Variants in FHIT observed in about 807,000 individuals in gnomAD.
FHIT encodes bis(5'-adenosyl)-triphosphatase.
FHIT carries 19 observed loss-of-function variants against 17.9 expected under a neutral mutation model. That is an observed-to-expected ratio of 1.06 (90% confidence interval 0.74 to 1.56). The LOEUF (loss-of-function observed/expected upper bound fraction) is 1.56. FHIT is among the 40% of genes most tolerant of loss of function. The probability of loss-of-function intolerance (pLI) is 0.00; values close to 1 mark genes in which losing one functional copy is unlikely to be tolerated. For synonymous variants in FHIT, 81 were observed against 69.7 expected, an observed-to-expected ratio of 1.16 and a Z score of -0.81; for missense variants, 248 against 189.2, an observed-to-expected ratio of 1.31 and a Z score of -1.82.
chr3:60,420,283 T>C (rs1702420117), intron 5 of FHIT, among the ~76,000 whole-genome samples: 1 of 152,166 alleles, frequency 6.6e-6, no homozygotes, highest in Admixed American at 6.5e-5. Flanking sequence ...TTCTAATTCT[T>C]AATGACCTAA....
intron 5 of FHIT, among the ~76,000 whole-genome samples, chr3:60,406,371 C>A (rs912479953): frequency 1.3e-5 from 2 of 152,162 alleles, no homozygotes; most frequent in African/African-American, 4.8e-5. Context: ...TGTTTTATCC[C>A]TCTCTTCAGA....
intron 5 of FHIT, among the ~76,000 whole-genome samples, chr3:60,233,931 G>C (rs1482358414): frequency 6.6e-6 from 1 of 152,074 alleles, no homozygotes; most frequent in Non-Finnish European, 1.5e-5. Flanking sequence ...CAACCACGTG[G>C]AACTGTGAAT....
intron 8 of FHIT, among the ~76,000 whole-genome samples, chr3:59,795,075 C>T (rs1292378715): frequency 1.3e-5 from 2 of 152,120 alleles, no homozygotes; most frequent in African/African-American, 2.4e-5. Context: ...ACAGTAAGTT[C>T]TCAGGCAGTC....
chr3:60,570,206 G>T (rs1307497490), intron 4 of FHIT, among the ~76,000 whole-genome samples: 2 of 152,042 alleles, frequency 1.3e-5, no homozygotes, highest in Non-Finnish European at 2.9e-5. Context: ...AATAAACACA[G>T]AAATAAAGAA....
chr3:59,790,123 T>C (rs568545580), intron 8 of FHIT, among the ~76,000 whole-genome samples: 3 of 152,078 alleles, frequency 2.0e-5, no homozygotes, highest in Admixed American at 1.3e-4. Flanking sequence ...AAATGGGAAC[T>C]TTTTGTGACA....
intron 7 of FHIT, among the ~76,000 whole-genome samples, chr3:60,007,709 C>T (rs1172974409): frequency 6.6e-6 from 1 of 152,110 alleles, no homozygotes; most frequent in Non-Finnish European, 1.5e-5. Context: ...TTTTTACGGA[C>T]AGTCATGCAG....
rs76269729 is a variant in FHIT at position 60,479,225 on chromosome 3, G to A, written c.103+57635C>T. Among the ~76,000 whole-genome samples, 1,423 of 152,278 alleles carry A rather than the reference G, an allele frequency of 9.3e-3. 12 individuals are homozygous for A. Among genetic ancestry groups the A allele is most frequent in the East Asian group, 0.03 (157 of 5,180 alleles). On this transcript the variant is annotated intron_variant, in intron 5 of 9. Coordinates refer to ENST00000492590, the MANE Select transcript of FHIT (RefSeq NM_002012.4). ...ACTGACATCAAAGTTACAGTGTTAT[G>A]CAGTGATGCCCAAAAGCATTTGCAA...
At chr3:59,856,082 A>G (rs1702145130) in intron 8 of FHIT, among the ~76,000 whole-genome samples, 1 of 152,132 alleles carries the variant, frequency 6.6e-6, no homozygotes, top group Non-Finnish European at 1.5e-5. Context: ...CGCCCAGCCA[A>G]TAGATAAACC....
intron 5 of FHIT, among the ~76,000 whole-genome samples, chr3:60,111,150 T>C (rs529216719): frequency 6.6e-6 from 1 of 152,310 alleles, no homozygotes; most frequent in African/African-American, 2.4e-5. Flanking sequence ...ATGTTGTTTC[T>C]CTACTAAAGA....
chr3:59,904,609 G>A (rs892317485), intron 8 of FHIT, among the ~76,000 whole-genome samples: 1 of 152,152 alleles, frequency 6.6e-6, no homozygotes, highest in African/African-American at 2.4e-5. Flanking sequence ...TGGCCATGCT[G>A]GTGTGCTCCA....
chr3:61,023,540 C>T (rs1336587309), intron 3 of FHIT, among the ~76,000 whole-genome samples: 2 of 152,130 alleles, frequency 1.3e-5, no homozygotes, highest in African/African-American at 4.8e-5. Context: ...TCAAGATAAT[C>T]CTAAGCAAAA....
chr3:60,380,811 T>C (rs972581537), intron 5 of FHIT, among the ~76,000 whole-genome samples: 2 of 152,200 alleles, frequency 1.3e-5, no homozygotes, highest in African/African-American at 2.4e-5. Context: ...ATTTTATCCA[T>C]CATAGGTTAT....
At chr3:61,059,381 T>C (rs1167065237) in intron 2 of FHIT, among the ~76,000 whole-genome samples, 141 of 105,422 alleles carry the variant, frequency 1.3e-3, no homozygotes, top group African/African-American at 5.8e-3. Flanking sequence ...CCTTTTTTTT[T>C]TTTTTTTTTT....
intron 4 of FHIT, among the ~76,000 whole-genome samples, chr3:60,618,237 C>A (rs1161146020): frequency 6.6e-6 from 1 of 152,080 alleles, no homozygotes; most frequent in Non-Finnish European, 1.5e-5. Context: ...TTTATGGAAA[C>A]TCATGGTTGA....
chr3:60,565,186 A>C (rs764580433), intron 4 of FHIT, among the ~76,000 whole-genome samples: 3 of 152,194 alleles, frequency 2.0e-5, no homozygotes, highest in Non-Finnish European at 2.9e-5. Flanking sequence ...GACTACAGCT[A>C]AGTGTAAATA....
intron 4 of FHIT, among the ~76,000 whole-genome samples, chr3:60,715,670 T>G (rs1475881453): frequency 6.6e-6 from 1 of 150,978 alleles, no homozygotes; most frequent in Non-Finnish European, 1.5e-5. Flanking sequence ...TACCTAATGC[T>G]AAATGATGAG....
chr3:60,286,919 C>G (rs535695715), intron 5 of FHIT, among the ~76,000 whole-genome samples: 1 of 152,108 alleles, frequency 6.6e-6, no homozygotes, highest in Non-Finnish European at 1.5e-5. Context: ...AAAGTTAAGG[C>G]CTCAGATATT....
At chr3:60,371,220 A>C (rs902121384) in intron 5 of FHIT, among the ~76,000 whole-genome samples, 1 of 152,294 alleles carries the variant, frequency 6.6e-6, no homozygotes, top group Non-Finnish European at 1.5e-5. Context: ...GAGCATAACA[A>C]ATATATCTTT....
intron 8 of FHIT, among the ~76,000 whole-genome samples, chr3:59,783,322 A>G (rs377558305): frequency 3.2e-4 from 48 of 152,210 alleles, no homozygotes; most frequent in African/African-American, 1.2e-3. Flanking sequence ...TACAAAAATT[A>G]GCTGGGGGTG....
Sources: gnomAD v4.1 joint callset for allele counts (sites outside exome capture counted in the v4.1 genomes callset) on GRCh38, gnomAD v4.1.1 for gene constraint, MANE v1.5 for transcripts, NCBI Gene and HGNC (gene_info 2026-07-23, HGNC 2026-07-21) for gene names.